PIGR: variants seen among roughly 807,000 people sequenced by gnomAD.
The protein encoded by PIGR is polymeric immunoglobulin receptor, also known as hepatocellular carcinoma associated protein TB6.
Under a neutral mutation model 69.5 loss-of-function variants are expected in PIGR, and 22 were observed. That is an observed-to-expected ratio of 0.32 (90% CI 0.23 to 0.45). The LOEUF is 0.45. PIGR is among the 20% of genes least tolerant of loss of function. PIGR has a pLI of 1.00. For synonymous variants in PIGR, 413 were observed against 407.6 expected (o/e 1.01, Z -0.16); for missense variants, 885 against 974.0 (o/e 0.91, Z 1.22).
chr1:206,944,791 A>G (rs188760904), intron 1 of PIGR, among the ~76,000 whole-genome samples: 153 of 152,272 alleles, frequency 1.0e-3, no homozygotes, highest in Non-Finnish European at 1.0e-3. Context: ...TTTAGGTGAC[A>G]TCAAAATGTC....
At position 206,935,901 on chromosome 1, in the gene PIGR, T is replaced by G. The variant is rs1679854562; in HGVS notation, c.1046-83A>C. The G allele has an allele frequency of 1.9e-6, 2 of 1,036,436 alleles. No homozygotes were observed. Among genetic ancestry groups the G allele is most frequent in the Non-Finnish European group, 2.8e-6 (2 of 705,328 alleles). 64.2% of individuals were successfully genotyped at this position (1,036,436 alleles called of 1,614,324 possible). A position where few individuals can be genotyped will look rare whatever the true frequency, so the allele number is the denominator to read the frequency against. Reference sequence around the variant, plus strand: ...GGCCTGAGAAGCCTTCTTCCCGGGGTCTCAGCCAGGATGGGGAGTGAAGTT... The same window carrying G: ...GGCCTGAGAAGCCTTCTTCCCGGGGGCTCAGCCAGGATGGGGAGTGAAGTT... On this transcript the variant is annotated intron_variant, in intron 4 of 10. Transcript: ENST00000356495. This position sits in a 1 kb window ranked among gnomAD's most constrained non-coding sequence, Gnocchi z 4.4.
At chr1:206,941,378 C>G (rs1397720292) in intron 1 of PIGR, among the ~76,000 whole-genome samples, 1 of 152,212 alleles carries the variant, frequency 6.6e-6, no homozygotes, top group Non-Finnish European at 1.5e-5. Flanking sequence ...AATACAAGAG[C>G]ATGCTTTTAC....
At position 206,931,553 on chromosome 1, in the gene PIGR, ACT is replaced by A. The variant is rs774844635; in HGVS notation, c.2141_2142del (p.Glu714ValfsTer6). ...GTGGTGCTCTCAGTGGTGGCAACAA[ACT>A]CTGTGTGAAGAAAGAGGGTAGGTTA... ...TQETSLGGKEEFVATTESTTE... is the reference protein window; with the variant it reads ...TQETSLGGKEXFVATTESTTE... On this transcript the variant is annotated frameshift_variant and splice_region_variant, in exon 10 of 11. Coordinates refer to ENST00000356495, the MANE Select transcript of PIGR (RefSeq NM_002644.4). LOFTEE classifies it high-confidence loss of function. 8 of 1,611,764 alleles carry A rather than the reference ACT, an allele frequency of 5.0e-6. No individual in the cohort carries two copies. The African/African-American group carries it at 1.1e-4, about 22-fold the overall frequency.
At chr1:206,937,897 GC>G in intron 3 of PIGR, 146 bp from the exon 4 acceptor site, 1 of 698,456 alleles carries the variant, frequency 1.4e-6, no homozygotes, top group Non-Finnish European at 2.4e-6. Flanking sequence ...CTGTCGGAAG[GC>G]CCAGCTTGAC....
At position 206,937,587 on chromosome 1, in the gene PIGR, G is replaced by A. The variant is rs1487509795; in HGVS notation, c.553C>T (p.Pro185Ser). ...AGGCGTATTCTTCCTGTATAGTTGG[G>A]ATTTACATAACCACTGGAGTCGATG... ...LVIDSSGYVN[P>S]NYTGRIRLDI... Residue 185 changes from proline to serine, a missense_variant, in exon 4 of 11, where the codon CCC (proline) becomes TCC (serine). Coordinates refer to ENST00000356495, the MANE Select transcript of PIGR (RefSeq NM_002644.4). 2 of 1,614,078 alleles carry A rather than the reference G, an allele frequency of 1.2e-6. No homozygotes were observed. Among genetic ancestry groups the A allele is most frequent in the Non-Finnish European group, 1.7e-6 (2 of 1,179,976 alleles).
Position 206,931,571 on chromosome 1 carries a change from G to A in PIGR, c.2141-16C>T, listed in dbSNP as rs769154930. On this transcript the variant is annotated splice_polypyrimidine_tract_variant and intron_variant, in intron 9 of 10. Coordinates refer to ENST00000356495, the MANE Select transcript of PIGR (RefSeq NM_002644.4). The stretch of plus-strand genomic sequence containing the variant: ...GCAACAAACTCTGTGTGAAGAAAGA[G>A]GGTAGGTTAGCCCTTACTAGCCTCC... 6.2e-7 allele frequency: 1 copy of A among 1,613,952 alleles called. No homozygotes were observed. Among genetic ancestry groups the A allele is most frequent in the Non-Finnish European group, 8.5e-7 (1 of 1,179,842 alleles).
Position 206,938,384 on chromosome 1 carries a change from A to G in PIGR, c.389-633T>C, listed in dbSNP as rs147195748. On this transcript the variant is annotated intron_variant, in intron 3 of 10. Transcript: ENST00000356495. ...GGTTTTGAATCTTGATCCCCACCTA[A>G]ATGACCTCCTCATTTAGTCCACAGA... 7.0e-3 allele frequency among the ~76,000 whole-genome samples: 1,071 copies of G among 152,230 alleles called. 14 individuals are homozygous for G. Among genetic ancestry groups the G allele is most frequent in the African/African-American group, 0.024 (989 of 41,514 alleles).
chr1:206,937,700 G>T lies in PIGR; in HGVS notation c.440C>A (p.Thr147Lys). The change falls in exon 4 of 11, where the codon ACG becomes AAG. Residue 147 changes from threonine to lysine, a missense_variant. Thr to Lys is a moderately conservative substitution (Grantham distance 78). Transcript: ENST00000356495. ...CTTGAAAGGGCAGTTGATGGTCACC[G>T]TTCTGCCCAGGTCCACTGTGTAGAC... ...TKVYTVDLGR[T>K]VTINCPFKTE... The T allele has an allele frequency of 4.3e-6, 7 of 1,614,008 alleles. No individual in the cohort carries two copies. Among genetic ancestry groups the T allele is most frequent in the Middle Eastern group, 1.7e-4 (1 of 6,060 alleles).
rs184210256 is a variant in PIGR at position 206,944,546 on chromosome 1, G to A, written c.-54+1790C>T. 7.1e-3 allele frequency among the ~76,000 whole-genome samples: 1,088 copies of A among 152,256 alleles called. 5 individuals are homozygous for A. Among genetic ancestry groups the A allele is most frequent in the Non-Finnish European group, 0.012 (826 of 68,010 alleles). On this transcript the variant is annotated intron_variant, in intron 1 of 10. Transcript: ENST00000356495. ...GGTGCCAACAGAGAAATTTCTTCCT[G>A]GAAAATATTAGCTGCTATTTATTTA...
chr1:206,943,994 G>T (rs1440721076), intron 1 of PIGR, among the ~76,000 whole-genome samples: 2 of 152,194 alleles, frequency 1.3e-5, no homozygotes, highest in Non-Finnish European at 2.9e-5. Context: ...TGCACAGTTG[G>T]TAAGTGACTT....
At position 206,935,846 on chromosome 1, in the gene PIGR, G is replaced by A. The variant is rs1248309405; in HGVS notation, c.1046-28C>T. ...GGAAGCACAGACAGAGATGGGATGG[G>A]AGGATGGCCACGCAGGAAGAGCCTT... On this transcript the variant is annotated intron_variant, in intron 4 of 10. Transcript: ENST00000356495. This position sits in a 1 kb window ranked among gnomAD's most constrained non-coding sequence, Gnocchi z 4.4. The A allele has an allele frequency of 1.9e-6, 3 of 1,541,184 alleles. No individual in the cohort carries two copies. Among genetic ancestry groups the A allele is most frequent in the Non-Finnish European group, 1.8e-6 (2 of 1,134,064 alleles).
At chr1:206,938,189 A>G (rs547022416) in intron 3 of PIGR, among the ~76,000 whole-genome samples, 1 of 152,366 alleles carries the variant, frequency 6.6e-6, no homozygotes, top group South Asian at 2.1e-4. Context: ...AACGCATACA[A>G]TAGAAGTTTC....
Position 206,935,712 on chromosome 1 carries a change from C to G in PIGR, c.1152G>C (p.Trp384Cys). 1 of 1,614,076 alleles carries G rather than the reference C, an allele frequency of 6.2e-7. No individual in the cohort carries two copies. Among genetic ancestry groups the G allele is most frequent in the Non-Finnish European group, 8.5e-7 (1 of 1,179,988 alleles). Reference sequence around the variant, plus strand: ...CATTCTGGGCCCCTTCCCAGAGACACCAGTACTTGATGCTTTTGCTTTCCT... The same window carrying G: ...CATTCTGGGCCCCTTCCCAGAGACAGCAGTACTTGATGCTTTTGCTTTCCT... ...NRKESKSIKY[W>C]CLWEGAQNGR... is the part of the protein sequence containing the mutation. Residue 384 changes from tryptophan (W) to cysteine (C), a missense_variant, in exon 5 of 11, where the codon TGG (tryptophan) becomes TGC (cysteine). Trp to Cys is a radical substitution (Grantham distance 215). Transcript: ENST00000356495. This position sits in a 1 kb window ranked among gnomAD's most constrained non-coding sequence, Gnocchi z 4.4.
At position 206,935,591 on chromosome 1, in the gene PIGR, T is replaced by C; in HGVS notation, c.1273A>G (p.Thr425Ala). The change falls in exon 5 of 11, where the codon ACT becomes GCT. Residue 425 changes from threonine to alanine, a missense_variant. Physicochemically the swap from Thr to Ala is moderately conservative, Grantham distance 58. Transcript: ENST00000356495. This position sits in a 1 kb window ranked among gnomAD's most constrained non-coding sequence, Gnocchi z 4.4. ...LLEEPGNGTFTVILNQLTSRD... is the reference protein window; with the variant it reads ...LLEEPGNGTFAVILNQLTSRD... The stretch of plus-strand genomic sequence containing the variant: ...CTGGTGAGCTGGTTGAGGATGACAG[T>C]GAAGGTGCCGTTGCCTGGCTCCTCC... 2 of 1,614,198 alleles carry C rather than the reference T, an allele frequency of 1.2e-6. No homozygotes were observed. Among genetic ancestry groups the C allele is most frequent in the Non-Finnish European group, 8.5e-7 (1 of 1,180,032 alleles).
intron 8 of PIGR, 119 bp downstream of exon 8, chr1:206,932,337 G>T: frequency 8.2e-7 from 1 of 1,214,520 alleles, no homozygotes; most frequent in South Asian, 1.7e-5. Flanking sequence ...TGCTTTCTCG[G>T]GATCCTTTGT....
chr1:206,931,372 A>G, intron 10 of PIGR, 125 bp downstream of exon 10: 1 of 1,597,562 alleles, frequency 6.3e-7, no homozygotes, highest in Non-Finnish European at 8.5e-7. Flanking sequence ...CCTGAGGACT[A>G]TTTATATCAT....
chr1:206,936,251 A>C (rs183418141), intron 4 of PIGR, among the ~76,000 whole-genome samples: 4 of 152,308 alleles, frequency 2.6e-5, no homozygotes, highest in Admixed American at 2.6e-4. Context: ...TATGATGTAA[A>C]CTATAAAGTA....
chr1:206,931,780 G>A lies in PIGR; in HGVS notation c.2031C>T (p.Tyr677=), dbSNP rs1307043169. The change falls in exon 9 of 11, where the codon TAC becomes TAT. Residue 677 remains tyrosine, a synonymous_variant. Coordinates refer to ENST00000356495, the MANE Select transcript of PIGR (RefSeq NM_002644.4). ...AGTCTGACATGCTAATGTCTGTCCT[G>A]TAGCTTCTGATTGAAACTCGGTCTG... ...KNVDRVSIRS[Y]RTDISMSDFE... 1 of 1,614,016 alleles carries A rather than the reference G, an allele frequency of 6.2e-7. No homozygotes were observed. Among genetic ancestry groups the A allele is most frequent in the Non-Finnish European group, 8.5e-7 (1 of 1,180,018 alleles).
chr1:206,942,898 G>T (rs1232015707), intron 1 of PIGR, among the ~76,000 whole-genome samples: 1 of 152,224 alleles, frequency 6.6e-6, no homozygotes, highest in Non-Finnish European at 1.5e-5. Flanking sequence ...TAGATGGGAT[G>T]ATTGGCAGGA....
Sources: gnomAD v4.1 joint callset for allele counts (sites outside exome capture counted in the v4.1 genomes callset) on GRCh38, gnomAD v4.1.1 for gene constraint, Gnocchi (gnomAD v3.1) non-coding constraint, MANE v1.5 for transcripts, NCBI Gene and HGNC (gene_info 2026-07-23, HGNC 2026-07-21) for gene names.